SULF2: variants seen among roughly 807,000 people sequenced by gnomAD.
The protein encoded by SULF2 is extracellular sulfatase Sulf-2.
In SULF2, 52 loss-of-function variants were observed where a neutral mutation model predicts 107.7. That is an observed-to-expected ratio of 0.48 (90% confidence interval 0.39 to 0.61). The LOEUF is 0.61. SULF2 is among the 20% of genes least tolerant of loss of function. SULF2 has a pLI of 0.00. For missense variants in SULF2, 993 were observed against 1,177.3 expected (o/e 0.84, Z 2.29); for synonymous variants, 460 against 464.3 (o/e 0.99, Z 0.12).
At chr20:47,769,073 T>G (rs1047307263) in intron 1 of SULF2, among the ~76,000 whole-genome samples, 1 of 150,882 alleles carries the variant, frequency 6.6e-6, no homozygotes, top group African/African-American at 2.4e-5. Context: ...GGAGTTTCAC[T>G]CTGTCGCCCA....
At chr20:47,775,215 G>A (rs1212946589) in intron 1 of SULF2, among the ~76,000 whole-genome samples, 5 of 152,314 alleles carry the variant, frequency 3.3e-5, no homozygotes, top group Middle Eastern at 3.4e-3. Flanking sequence ...CCGGTTTTGC[G>A]GTTAAGCCTT....
intron 2 of SULF2, among the ~76,000 whole-genome samples, chr20:47,745,226 C>T (rs1043137430): frequency 9.9e-5 from 15 of 151,428 alleles, no homozygotes; most frequent in Admixed American, 1.3e-4. Context: ...AAAAGGTTTT[C>T]AGTCAGAAGG....
At chr20:47,776,652 A>G (rs1264540134) in intron 1 of SULF2, among the ~76,000 whole-genome samples, 1 of 152,158 alleles carries the variant, frequency 6.6e-6, no homozygotes, top group Non-Finnish European at 1.5e-5. Flanking sequence ...AGAATGTCAC[A>G]CCACTGACCT....
intron 4 of SULF2, among the ~76,000 whole-genome samples, chr20:47,696,898 A>T (rs977301059): frequency 1.3e-5 from 2 of 152,174 alleles, no homozygotes; most frequent in Non-Finnish European, 2.9e-5. Flanking sequence ...GTATTGGTGG[A>T]CTTTGCTAAT....
intron 17 of SULF2, 79 bp from the exon 18 acceptor site, chr20:47,661,975 AT>A (rs764513226): frequency 1.4e-5 from 19 of 1,349,354 alleles, no homozygotes; most frequent in Non-Finnish European, 1.2e-5. Flanking sequence ...CAGGGGACAT[AT>A]TTCAGGCAGG....
rs149474240 is a variant in SULF2, at chr20:47,743,837, A to T, written c.176-6895T>A. Among the ~76,000 whole-genome samples, 1,304 of 152,138 alleles carry T rather than the reference A, an allele frequency of 8.6e-3. 22 individuals are homozygous for T. Among genetic ancestry groups the T allele is most frequent in the African/African-American group, 0.029 (1,218 of 41,482 alleles). On this transcript the variant is annotated intron_variant, in intron 2 of 20. Coordinates refer to ENST00000688720, the MANE Select transcript of SULF2 (RefSeq NM_001387048.1). Reference sequence around the variant, plus strand: ...TGACCTCCTCCTTGTTGTTCCTCGAACACACCAAGCACGCTTCTGCCTCAG... The same window carrying T: ...TGACCTCCTCCTTGTTGTTCCTCGATCACACCAAGCACGCTTCTGCCTCAG...
At chr20:47,713,668 T>C (rs1245778037) in intron 3 of SULF2, among the ~76,000 whole-genome samples, 1 of 151,874 alleles carries the variant, frequency 6.6e-6, no homozygotes, top group Admixed American at 6.6e-5. Context: ...GAGGATCACT[T>C]GAGCCCAGGA....
At chr20:47,659,880 T>C (rs186682509) in intron 18 of SULF2, 150 bp from the exon 19 acceptor site, 7 of 651,962 alleles carry the variant, frequency 1.1e-5, no homozygotes, top group African/African-American at 1.8e-5. Context: ...TTATGAGGGG[T>C]AGACTGAATT....
rs1487039726 is a variant in SULF2, at chr20:47,664,129, C to G, written c.2057+1G>C. 6.2e-7 allele frequency: 1 copy of G among 1,613,534 alleles called. No homozygotes were observed. The highest frequency in any genetic ancestry group is 1.3e-5 in the African/African-American group (1 of 74,912). ...TCCCCAGGACCTCAAGCTGCTCTTACCTGAAAGGATGCAGACTGGAGCCTC... is the reference window on the plus strand; with the variant it reads ...TCCCCAGGACCTCAAGCTGCTCTTAGCTGAAAGGATGCAGACTGGAGCCTC... On this transcript the variant is annotated splice_donor_variant, in intron 15 of 20. Transcript: ENST00000688720. LOFTEE classifies it high-confidence loss of function.
chr20:47,665,125 T>C, intron 14 of SULF2, 74 bp downstream of exon 14: 1 of 951,468 alleles, frequency 1.1e-6, no homozygotes, highest in East Asian at 2.4e-5. Context: ...AAGGGGTCAA[T>C]CACGAGAGGG....
At chr20:47,695,178 G>A (rs555612877) in intron 4 of SULF2, among the ~76,000 whole-genome samples, 6 of 152,144 alleles carry the variant, frequency 3.9e-5, no homozygotes, top group African/African-American at 1.4e-4. Flanking sequence ...CAGCTATCAG[G>A]AAAATGAATG....
intron 4 of SULF2, among the ~76,000 whole-genome samples, chr20:47,690,687 C>T (rs111320495): frequency 6.9e-4 from 105 of 152,016 alleles, no homozygotes; most frequent in African/African-American, 2.3e-3. Flanking sequence ...CTGGCCAACA[C>T]GGTGAAACAC....
intron 3 of SULF2, among the ~76,000 whole-genome samples, chr20:47,718,881 G>A (rs1347132505): frequency 2.0e-5 from 3 of 152,176 alleles, no homozygotes; most frequent in Non-Finnish European, 2.9e-5. Flanking sequence ...TACAAACTGA[G>A]GAGCTGTAAG....
chr20:47,781,841 G>A (rs1488153648), intron 1 of SULF2, among the ~76,000 whole-genome samples: 1 of 152,118 alleles, frequency 6.6e-6, no homozygotes, highest in African/African-American at 2.4e-5. Context: ...TAGCCACGGT[G>A]CCCACAGCTG....
At chr20:47,726,028 TG>T (rs1327387934) in intron 3 of SULF2, among the ~76,000 whole-genome samples, 1 of 152,078 alleles carries the variant, frequency 6.6e-6, no homozygotes, top group African/African-American at 2.4e-5. Flanking sequence ...ATCAAGGTAC[TG>T]GGAGCATAAG....
chr20:47,682,339 A>G (rs2087849449), intron 7 of SULF2, among the ~76,000 whole-genome samples: 2 of 152,222 alleles, frequency 1.3e-5, no homozygotes, highest in African/African-American at 4.8e-5. Flanking sequence ...CAGTCTTAAT[A>G]GCAACACATC....
At chr20:47,769,485 G>A (rs6094829) in intron 1 of SULF2, among the ~76,000 whole-genome samples, 6,903 of 151,318 alleles carry the variant, frequency 0.046, 560 homozygotes, top group African/African-American at 0.16. Context: ...GGCGTGAACC[G>A]CTGCACCTGG....
At chr20:47,745,632 G>T (rs1196178286) in intron 2 of SULF2, among the ~76,000 whole-genome samples, 2 of 151,516 alleles carry the variant, frequency 1.3e-5, no homozygotes, top group Non-Finnish European at 2.9e-5. Context: ...GGGTTCAAGT[G>T]ATTCTCCTGC....
chr20:47,697,227 C>T (rs909424212), intron 4 of SULF2, among the ~76,000 whole-genome samples: 10 of 152,208 alleles, frequency 6.6e-5, no homozygotes, highest in African/African-American at 2.2e-4. Flanking sequence ...CTGCCATTAG[C>T]GCTTGTCCTG....
Sources: gnomAD v4.1 joint callset for allele counts (sites outside exome capture counted in the v4.1 genomes callset) on GRCh38, gnomAD v4.1.1 for gene constraint, MANE v1.5 for transcripts, NCBI Gene and HGNC (gene_info 2026-07-23, HGNC 2026-07-21) for gene names.